Variants in RTL4 observed in about 807,000 individuals in gnomAD.
The protein encoded by RTL4 is retrotransposon Gag-like protein 4.
In RTL4, 4 loss-of-function variants were observed where a neutral mutation model predicts 5.3. The ratio of observed to expected loss-of-function variants is 0.75; its 90% confidence interval spans 0.37 to 1.72. The LOEUF (loss-of-function observed/expected upper bound fraction) is 1.72. Ranked by LOEUF, RTL4 falls within the 40% of genes most tolerant of loss-of-function variation. The pLI is 0.04. For missense variants in RTL4, 260 were observed against 227.1 expected, an observed-to-expected ratio of 1.14 and a Z score of -0.93; for synonymous variants, 98 against 87.3, an observed-to-expected ratio of 1.12 and a Z score of -0.68.
At chrX:112,169,026 C>CTCTTTCTTTCTTTCTTTCTTTCTTTCTT in the RTL4 span, among the ~76,000 whole-genome samples, 2 of 49,060 alleles carry the variant, frequency 4.1e-5, no homozygotes, top group African/African-American at 1.6e-4. Flanking sequence ...CTTTCTCTTT[C>CTCTTTCTTTCTTTCTTTCTTTCTTTCTT]TCTTTCTTTC....
At chrX:112,257,446 T>C in the RTL4 span, among the ~76,000 whole-genome samples, 1 of 111,398 alleles carries the variant, frequency 9.0e-6, no homozygotes, top group Non-Finnish European at 1.9e-5. Flanking sequence ...CTTTTTTTCT[T>C]AATTTAGCGT....
chrX:112,348,748 T>A, the RTL4 span, among the ~76,000 whole-genome samples: 2 of 109,914 alleles, frequency 1.8e-5, no homozygotes, highest in East Asian at 5.8e-4. Context: ...TTCTGTTTGA[T>A]CATGGAAAGA....
chrX:112,415,434 AATTT>A, the RTL4 span, among the ~76,000 whole-genome samples: 4 of 111,450 alleles, frequency 3.6e-5, no homozygotes, highest in Non-Finnish European at 5.7e-5. Context: ...AATGTACCAT[AATTT>A]ATTTATTCAT....
chrX:112,226,031 A>G, the RTL4 span, among the ~76,000 whole-genome samples: 1 of 112,190 alleles, frequency 8.9e-6, no homozygotes, highest in Non-Finnish European at 1.9e-5. Context: ...GGACAAGTGT[A>G]CAATTAGTTC....
At chrX:112,265,109 G>A in the RTL4 span, among the ~76,000 whole-genome samples, 1 of 112,736 alleles carries the variant, frequency 8.9e-6, no homozygotes, top group South Asian at 3.7e-4. Context: ...CCCAGTAGTG[G>A]CCCTCTTGGC....
the RTL4 span, among the ~76,000 whole-genome samples, chrX:112,127,757 C>T: frequency 3.9e-3 from 433 of 111,516 alleles, 1 homozygote; most frequent in African/African-American, 0.013. Context: ...CAGAAAAATT[C>T]GTGTTTCTGT....
the RTL4 span, among the ~76,000 whole-genome samples, chrX:112,337,563 G>T: frequency 9.0e-5 from 10 of 111,610 alleles, no homozygotes; most frequent in African/African-American, 2.6e-4. Flanking sequence ...GACTACAGGC[G>T]TGAGCCACCG....
the RTL4 span, among the ~76,000 whole-genome samples, chrX:112,326,386 A>G: frequency 1.8e-5 from 2 of 111,625 alleles, no homozygotes; most frequent in Non-Finnish European, 3.8e-5. Context: ...CAAAGAAAGC[A>G]GTGACAGACG....
chrX:112,235,005 A>G, the RTL4 span, among the ~76,000 whole-genome samples: 353 of 111,328 alleles, frequency 3.2e-3, no homozygotes, highest in African/African-American at 0.011. Context: ...TTCTGCTTTA[A>G]GAGCTTATGA....
the RTL4 span, among the ~76,000 whole-genome samples, chrX:112,183,208 C>G: frequency 8.9e-6 from 1 of 112,282 alleles, no homozygotes; most frequent in Non-Finnish European, 1.9e-5. Context: ...ACTGCAAAAA[C>G]ATACCAAATT....
chrX:112,210,503 A>G, the RTL4 span, among the ~76,000 whole-genome samples: 2 of 112,516 alleles, frequency 1.8e-5, no homozygotes, highest in Non-Finnish European at 3.7e-5. Context: ...ATTGATATAC[A>G]GAGCTAATAT....
At chrX:112,193,546 T>C in the RTL4 span, among the ~76,000 whole-genome samples, 360 of 111,656 alleles carry the variant, frequency 3.2e-3, 1 homozygote, top group African/African-American at 0.011. Flanking sequence ...TAAATATAGA[T>C]CCCTGAGTTT....
At chrX:112,324,113 A>G in the RTL4 span, among the ~76,000 whole-genome samples, 1 of 112,076 alleles carries the variant, frequency 8.9e-6, no homozygotes, top group African/African-American at 3.2e-5. Context: ...ACTCCAAGTG[A>G]TGGTAATCTT....
At chrX:112,158,386 T>C in the RTL4 span, among the ~76,000 whole-genome samples, 1 of 110,445 alleles carries the variant, frequency 9.1e-6, no homozygotes, top group Non-Finnish European at 1.9e-5. Context: ...ACTATTTCAC[T>C]GAGAGACGAC....
At chrX:112,210,137 A>G in the RTL4 span, among the ~76,000 whole-genome samples, 1 of 112,310 alleles carries the variant, frequency 8.9e-6, no homozygotes, top group Non-Finnish European at 1.9e-5. Context: ...ATTGGATTGC[A>G]TCTTTCAGTG....
the RTL4 span, among the ~76,000 whole-genome samples, chrX:112,256,551 C>T: frequency 9.0e-6 from 1 of 111,702 alleles, no homozygotes; most frequent in Admixed American, 9.5e-5. Flanking sequence ...TATATTTGGA[C>T]AAGGAAACAT....
the RTL4 span, among the ~76,000 whole-genome samples, chrX:112,239,296 G>A: frequency 2.7e-5 from 3 of 110,785 alleles, no homozygotes; most frequent in African/African-American, 9.8e-5. Context: ...TAGTGGGGAG[G>A]CGGGCTTCTA....
chrX:112,216,153 A>G, the RTL4 span, among the ~76,000 whole-genome samples: 1 of 111,666 alleles, frequency 9.0e-6, no homozygotes, highest in Non-Finnish European at 1.9e-5. Context: ...AGCTAGGTCA[A>G]TCCAGACTCA....
chrX:112,299,368 T>G, the RTL4 span, among the ~76,000 whole-genome samples: 1 of 112,848 alleles, frequency 8.9e-6, no homozygotes, highest in Admixed American at 9.4e-5. Context: ...TGAAGTGTCT[T>G]TTAACTATGG....
Sources: gnomAD v4.1 joint callset for allele counts (sites outside exome capture counted in the v4.1 genomes callset) on GRCh38, gnomAD v4.1.1 for gene constraint, MANE v1.5 for transcripts, NCBI Gene and HGNC (gene_info 2026-07-23, HGNC 2026-07-21) for gene names.